The following PPP3CA variants were observed in gnomAD, a reference collection of about 807,000 sequenced individuals.
The protein encoded by PPP3CA is CAM-PRP catalytic subunit.
PPP3CA carries 14 observed loss-of-function variants against 66.5 expected under a neutral mutation model. The observed-to-expected ratio is 0.21, with a 90% CI of 0.14 to 0.33. The LOEUF (loss-of-function observed/expected upper bound fraction) is 0.33. PPP3CA is among the 10% of genes least tolerant of loss of function. The probability of loss-of-function intolerance (pLI) is 1.00; values close to 1 mark genes in which losing one functional copy is unlikely to be tolerated. For missense variants in PPP3CA, 317 were observed against 639.5 expected, an observed-to-expected ratio of 0.50 and a Z score of 5.44; for synonymous variants, 232 against 226.2, an observed-to-expected ratio of 1.03 and a Z score of -0.23.
At chr4:101,147,125 C>T (rs373797798) in intron 2 of PPP3CA, among the ~76,000 whole-genome samples, 1 of 152,156 alleles carries the variant, frequency 6.6e-6, no homozygotes, top group Non-Finnish European at 1.5e-5. Flanking sequence ...GGGGCTTGAA[C>T]CCAGATTTGT....
At chr4:101,132,261 AC>A (rs1472744717) in intron 2 of PPP3CA, among the ~76,000 whole-genome samples, 2 of 152,188 alleles carry the variant, frequency 1.3e-5, no homozygotes, top group Non-Finnish European at 2.9e-5. Flanking sequence ...TCAGAGCAGA[AC>A]CAAAGGACAT....
At chr4:101,322,463 T>G (rs926191606) in intron 1 of PPP3CA, among the ~76,000 whole-genome samples, 4 of 148,730 alleles carry the variant, frequency 2.7e-5, no homozygotes, top group African/African-American at 1.0e-4. Flanking sequence ...CAGGCTGGAG[T>G]GCAATGGTGC....
chr4:101,190,391 A>G (rs1027153404), intron 2 of PPP3CA, among the ~76,000 whole-genome samples: 2 of 152,150 alleles, frequency 1.3e-5, no homozygotes, highest in Non-Finnish European at 2.9e-5. Flanking sequence ...GAGAACATAA[A>G]AGGGATGTTA....
intron 2 of PPP3CA, among the ~76,000 whole-genome samples, chr4:101,132,371 A>G (rs1722472865): frequency 6.6e-6 from 1 of 152,286 alleles, no homozygotes; most frequent in Non-Finnish European, 1.5e-5. Flanking sequence ...ATAAAAAATA[A>G]AAGAGAGATG....
rs1374155959 is a variant in PPP3CA at position 101,063,707 on chromosome 4, CA to C, written c.956-351del. Among the ~76,000 whole-genome samples, 3 of 151,902 alleles carry C rather than the reference CA, an allele frequency of 2.0e-5. No individual in the cohort carries two copies. In the East Asian group the frequency reaches 5.8e-4, roughly 29 times the overall value. On this transcript the variant is annotated intron_variant, in intron 8 of 13. Coordinates refer to ENST00000394854, the MANE Select transcript of PPP3CA (RefSeq NM_000944.5). ...TCTGATGACACTAATAAAAGTGGCA[CA>C]GCTAAGTTTGACATAATAATCTCCT...
At chr4:101,164,159 C>T (rs1723611336) in intron 2 of PPP3CA, among the ~76,000 whole-genome samples, 1 of 52,876 alleles carries the variant, frequency 1.9e-5, no homozygotes, top group South Asian at 6.6e-4. Flanking sequence ...CTGCTCAAAT[C>T]TCCTCTCCTT....
At chr4:101,029,492 A>G (rs1726841293) in intron 12 of PPP3CA, among the ~76,000 whole-genome samples, 2 of 152,018 alleles carry the variant, frequency 1.3e-5, no homozygotes, top group African/African-American at 4.8e-5. Context: ...GAAAACACTT[A>G]GGAAAATTTC....
chr4:101,176,068 A>T (rs1724049120), intron 2 of PPP3CA, among the ~76,000 whole-genome samples: 1 of 152,120 alleles, frequency 6.6e-6, no homozygotes, highest in Non-Finnish European at 1.5e-5. Flanking sequence ...CACAAACATC[A>T]CGCCTCTCAG....
chr4:101,317,074 C>T (rs1728904576), intron 1 of PPP3CA, among the ~76,000 whole-genome samples: 1 of 151,968 alleles, frequency 6.6e-6, no homozygotes, highest in African/African-American at 2.4e-5. Context: ...CTCCCCACTT[C>T]ACTCTCCTAT....
At chr4:101,049,638 T>C (rs562075108) in intron 10 of PPP3CA, among the ~76,000 whole-genome samples, 1 of 152,030 alleles carries the variant, frequency 6.6e-6, no homozygotes, top group East Asian at 1.9e-4. Flanking sequence ...TGATAAGTGC[T>C]GGAAGAATGC....
intron 2 of PPP3CA, among the ~76,000 whole-genome samples, chr4:101,114,702 T>C (rs1264073822): frequency 2.0e-5 from 3 of 152,102 alleles, no homozygotes; most frequent in African/African-American, 7.2e-5. Context: ...CCTTTTAATA[T>C]TGCTTCCTTC....
chr4:101,346,874 T>TCAACGCCGC lies in PPP3CA; in HGVS notation c.-87_-79dup. On this transcript the variant is annotated 5_prime_UTR_variant, in exon 1 of 14. Coordinates refer to ENST00000394854, the MANE Select transcript of PPP3CA (RefSeq NM_000944.5). ...CCGACCGGACCGGCGGGCCAGACAC[T>TCAACGCCGC]CAACGCCGCCGCCGCCGCCGCCGCC... is the stretch of plus-strand genomic sequence containing the variant. 3.7e-6 allele frequency: 5 copies of TCAACGCCGC among 1,355,168 alleles called. 1 individual carries two copies. In the South Asian group the frequency reaches 3.9e-5, roughly 11 times the overall value. 83.9% of individuals were successfully genotyped at this position (1,355,168 alleles called of 1,614,324 possible).
At chr4:101,126,236 G>A (rs999149399) in intron 2 of PPP3CA, among the ~76,000 whole-genome samples, 1 of 152,142 alleles carries the variant, frequency 6.6e-6, no homozygotes, top group African/African-American at 2.4e-5. Flanking sequence ...AACATTTTAA[G>A]TACCATGACT....
At chr4:101,186,687 T>C (rs1481133482) in intron 2 of PPP3CA, among the ~76,000 whole-genome samples, 1 of 152,206 alleles carries the variant, frequency 6.6e-6, no homozygotes, top group Non-Finnish European at 1.5e-5. Flanking sequence ...TTAGAAAAGG[T>C]AAGTAGGGGA....
At chr4:101,226,537 A>G (rs911985075) in intron 1 of PPP3CA, among the ~76,000 whole-genome samples, 14 of 151,758 alleles carry the variant, frequency 9.2e-5, no homozygotes, top group African/African-American at 3.1e-4. Flanking sequence ...AAAAAACGAA[A>G]AAAGTTCTAA....
At chr4:101,042,489 A>G (rs1324038491) in intron 10 of PPP3CA, among the ~76,000 whole-genome samples, 1 of 152,180 alleles carries the variant, frequency 6.6e-6, no homozygotes, top group Non-Finnish European at 1.5e-5. Context: ...GGGTGGAATA[A>G]GTGTCTATCC....
rs78251075 is a variant in PPP3CA, at chr4:101,171,625, G to A, written c.259+24291C>T. 8.7e-3 allele frequency among the ~76,000 whole-genome samples: 1,323 copies of A among 152,194 alleles called. 8 individuals are homozygous for A. Among genetic ancestry groups the A allele is most frequent in the Non-Finnish European group, 0.012 (846 of 68,000 alleles). ...TCATGTAAAGTCCCAAAGCCCAGTA[G>A]GCATAAGGCTGGATTATGAACCCTG... On this transcript the variant is annotated intron_variant, in intron 2 of 13. Transcript: ENST00000394854.
intron 2 of PPP3CA, among the ~76,000 whole-genome samples, chr4:101,159,299 T>C (rs1723425039): frequency 6.6e-6 from 1 of 152,196 alleles, no homozygotes; most frequent in African/African-American, 2.4e-5. Context: ...GCCACGCTGC[T>C]CTAACTAGGT....
At chr4:101,114,614 A>C (rs1367068378) in intron 2 of PPP3CA, among the ~76,000 whole-genome samples, 1 of 152,234 alleles carries the variant, frequency 6.6e-6, no homozygotes, top group East Asian at 1.9e-4. Context: ...ATCTCTTTCT[A>C]TCAGAAAATA....
Sources: allele counts gnomAD v4.1 joint callset (sites outside exome capture counted in the v4.1 genomes callset), GRCh38; gene constraint gnomAD v4.1.1; transcripts MANE v1.5; gene names NCBI Gene and HGNC (gene_info 2026-07-23, HGNC 2026-07-21).